Variants in C12orf56 observed in about 807,000 individuals in gnomAD.
C12orf56 encodes the protein chromosome 12 open reading frame 56, also known as uncharacterized protein C12orf56.
In C12orf56, 71 loss-of-function variants were observed where a neutral mutation model predicts 69.9. The ratio of observed to expected loss-of-function variants is 1.02; its 90% CI spans 0.84 to 1.24. C12orf56 has a LOEUF of 1.24. Ranked by LOEUF, C12orf56 falls within the 50% of genes most tolerant of loss-of-function variation. The pLI, the probability that C12orf56 is intolerant of heterozygous loss-of-function variation, is 0.00. For missense variants in C12orf56, 732 were observed against 738.5 expected (o/e 0.99, Z 0.10); for synonymous variants, 276 against 274.1 (o/e 1.01, Z -0.07).
intron 1 of C12orf56, among the ~76,000 whole-genome samples, chr12:64,360,789 T>C (rs1441242747): frequency 1.3e-5 from 2 of 152,214 alleles, no homozygotes; most frequent in Non-Finnish European, 2.9e-5. Flanking sequence ...AATATATACC[T>C]GAAAATAATT....
chr12:64,383,483 TCTC>T (rs2039748661), intron 1 of C12orf56, among the ~76,000 whole-genome samples: 1 of 151,970 alleles, frequency 6.6e-6, no homozygotes, highest in South Asian at 2.1e-4. Context: ...TTCAAGCAAT[TCTC>T]CTGTCTCAGC....
At chr12:64,325,072 G>A (rs1276659218) in intron 3 of C12orf56, among the ~76,000 whole-genome samples, 1 of 152,100 alleles carries the variant, frequency 6.6e-6, no homozygotes, top group Non-Finnish European at 1.5e-5. Flanking sequence ...TACTCTCCAC[G>A]AGCCCTTGGG....
rs1318229290 is a variant in C12orf56, at chr12:64,312,678, C to A, written c.968+1G>T. ...CTCTATCATACATCATCACTTCTTA[C>A]CTATATGGCTTTTGACTTCCAATAG... On this transcript the variant is annotated splice_donor_variant, in intron 5 of 12. Coordinates refer to ENST00000543942, the MANE Select transcript of C12orf56 (RefSeq NM_001170633.2). LOFTEE classifies it high-confidence loss of function. 27 of 1,531,358 alleles carry A rather than the reference C, an allele frequency of 1.8e-5. No individual in the cohort carries two copies. The highest frequency in any genetic ancestry group is 2.4e-5 in the Non-Finnish European group (27 of 1,141,702). 94.9% of individuals were successfully genotyped at this position (1,531,358 alleles called of 1,614,324 possible). A position where few individuals can be genotyped will look rare whatever the true frequency, so the allele number is the denominator to read the frequency against.
rs949385238 is a variant in C12orf56 at position 64,390,657 on chromosome 12, G to A, written c.-92C>T. 8.8e-6 allele frequency: 12 copies of A among 1,369,974 alleles called. No individual in the cohort carries two copies. The Middle Eastern group carries it at 1.1e-3, about 124-fold the overall frequency. The allele number at this position is 1,369,974 out of a possible 1,614,324, so 84.9% of individuals were successfully genotyped here. A position where few individuals can be genotyped will look rare whatever the true frequency, so the allele number is the denominator to read the frequency against. ...CGCGCTGGAACCCGCGCGCCACAAA[G>A]CCGCCGGCCACGCGTCGCCTCCTCT... On this transcript the variant is annotated 5_prime_UTR_variant, in exon 1 of 13. Transcript: ENST00000543942.
chr12:64,379,767 C>G (rs187235961), intron 1 of C12orf56, among the ~76,000 whole-genome samples: 6 of 151,446 alleles, frequency 4.0e-5, no homozygotes, highest in Admixed American at 1.3e-4. Flanking sequence ...CCTCAGCTTA[C>G]GTAACTCTTA....
chr12:64,366,900 TTA>T lies in C12orf56; in HGVS notation c.253-13846_253-13845del, dbSNP rs1273680944. ...TTATATATATTATATAACATACAGT[TTA>T]TATATTATATATAACACAGTTTATA... On this transcript the variant is annotated intron_variant, in intron 1 of 12. Coordinates refer to ENST00000543942, the MANE Select transcript of C12orf56 (RefSeq NM_001170633.2). Among the ~76,000 whole-genome samples the T allele has an allele frequency of 3.1e-5, 4 of 129,686 alleles. No homozygotes were observed. The South Asian group carries it at 9.5e-4, about 31-fold the overall frequency. The allele number at this position is 129,686 out of a possible 152,430, so 85.1% of individuals were successfully genotyped here. A position where few individuals can be genotyped will look rare whatever the true frequency, so the allele number is the denominator to read the frequency against.
At chr12:64,359,713 T>C (rs1327534697) in intron 1 of C12orf56, among the ~76,000 whole-genome samples, 1 of 152,082 alleles carries the variant, frequency 6.6e-6, no homozygotes, top group African/African-American at 2.4e-5. Context: ...GAAGCTCTTT[T>C]ATTATTATTA....
intron 4 of C12orf56, among the ~76,000 whole-genome samples, chr12:64,313,274 A>AAAAAGAAAGAAGGAAAGAAAGAAAGAAAG (rs762664621): frequency 1.2e-5 from 1 of 81,426 alleles, no homozygotes; most frequent in African/African-American, 4.7e-5. Flanking sequence ...AAAAAAAAAA[A>AAAAAGAAAGAAGGAAAGAAAGAAAGAAAG]AAAGAAAGAA....
Position 64,312,739 on chromosome 12 carries a change from A to G in C12orf56, c.908T>C (p.Leu303Ser), listed in dbSNP as rs1333570830. 6.5e-7 allele frequency: 1 copy of G among 1,535,850 alleles called. No homozygotes were observed. The change falls in exon 5 of 13, where the codon TTA becomes TCA. Residue 303 changes from leucine (L) to serine (S), a missense_variant. Physicochemically the swap from Leu to Ser is moderately radical, Grantham distance 145 (BLOSUM62 -2). Coordinates refer to ENST00000543942, the MANE Select transcript of C12orf56 (RefSeq NM_001170633.2). ...WNNYIIKATL[L>S]QDPFYASEFS... ...CTCACTAGCATAGAAGGGATCTTGT[A>G]AAAGAGTAGCTTTCTGAAAAAGGAA...
At chr12:64,374,935 G>C (rs1453948411) in intron 1 of C12orf56, among the ~76,000 whole-genome samples, 1 of 152,120 alleles carries the variant, frequency 6.6e-6, no homozygotes, top group Non-Finnish European at 1.5e-5. Flanking sequence ...TTTTTGCATT[G>C]TTGAAATTTG....
chr12:64,366,900 TTATA>T (rs1273680944), intron 1 of C12orf56, among the ~76,000 whole-genome samples: 2 of 129,686 alleles, frequency 1.5e-5, no homozygotes, highest in African/African-American at 5.8e-5. Context: ...AACATACAGT[TTATA>T]TATTATATAT....
intron 6 of C12orf56, among the ~76,000 whole-genome samples, chr12:64,293,058 G>A (rs978470707): frequency 3.9e-5 from 6 of 152,206 alleles, no homozygotes; most frequent in Non-Finnish European, 5.9e-5. Flanking sequence ...CTCATGGTTC[G>A]CCGCTTTTTA....
intron 6 of C12orf56, among the ~76,000 whole-genome samples, chr12:64,299,116 T>G (rs2136795200): frequency 6.6e-6 from 1 of 152,330 alleles, no homozygotes; most frequent in Non-Finnish European, 1.5e-5. Context: ...GTAAGTTGTA[T>G]TCCTAGGTAT....
intron 6 of C12orf56, among the ~76,000 whole-genome samples, chr12:64,287,123 A>C (rs1416813231): frequency 6.6e-6 from 1 of 151,864 alleles, no homozygotes; most frequent in Non-Finnish European, 1.5e-5. Context: ...TGTAATCCCT[A>C]ATCCCAGCTA....
chr12:64,362,888 G>A (rs2039416836), intron 1 of C12orf56, among the ~76,000 whole-genome samples: 1 of 152,176 alleles, frequency 6.6e-6, no homozygotes, highest in Non-Finnish European at 1.5e-5. Context: ...TCCTGAGGTT[G>A]CCATGGCATT....
intron 2 of C12orf56, among the ~76,000 whole-genome samples, chr12:64,331,925 C>G (rs1228125526): frequency 3.3e-5 from 5 of 150,684 alleles, no homozygotes; most frequent in African/African-American, 1.2e-4. Flanking sequence ...CCTATAGTTA[C>G]CATGAGGGTT....
rs1438324612 is a variant in C12orf56 at position 64,312,724 on chromosome 12, T to C, written c.923A>G (p.Tyr308Cys). Residue 308 changes from tyrosine to cysteine, a missense_variant, in exon 5 of 13, where the codon TAT (tyrosine) becomes TGT (cysteine). Physicochemically the swap from Tyr to Cys is radical, Grantham distance 194. Coordinates refer to ENST00000543942, the MANE Select transcript of C12orf56 (RefSeq NM_001170633.2). The part of the protein sequence containing the change: ...IKATLLQDPF[Y>C]ASEFSPAIGS... ...AATAGCAGGACTGAACTCACTAGCA[T>C]AGAAGGGATCTTGTAAAAGAGTAGC... 4 of 1,536,574 alleles carry C rather than the reference T, an allele frequency of 2.6e-6. No homozygotes were observed. The African/African-American group carries it at 4.1e-5, about 16-fold the overall frequency.
At chr12:64,302,446 TA>T (rs1419463408) in intron 6 of C12orf56, among the ~76,000 whole-genome samples, 1 of 152,232 alleles carries the variant, frequency 6.6e-6, no homozygotes, top group Admixed American at 6.5e-5. Context: ...ATGGTCACCC[TA>T]CATATCAAGG....
At chr12:64,317,592 T>G (rs1292114817) in intron 4 of C12orf56, among the ~76,000 whole-genome samples, 1 of 152,012 alleles carries the variant, frequency 6.6e-6, no homozygotes, top group East Asian at 1.9e-4. Flanking sequence ...AAACCCCGTC[T>G]CTACCAAAAA....
Sources: gnomAD v4.1 joint callset for allele counts (sites outside exome capture counted in the v4.1 genomes callset) on GRCh38, gnomAD v4.1.1 for gene constraint, MANE v1.5 for transcripts, NCBI Gene and HGNC (gene_info 2026-07-23, HGNC 2026-07-21) for gene names.